Variants in HFM1 observed in about 807,000 individuals in gnomAD.
HFM1 encodes helicase for meiosis 1.
A neutral mutation model predicts 192.1 loss-of-function variants in HFM1; 169 were observed. The observed-to-expected ratio is 0.88, with a 90% CI of 0.78 to 1.00. The LOEUF (loss-of-function observed/expected upper bound fraction) is 1.00, where lower values mean the gene tolerates loss of function less well. Among genes scored for constraint, HFM1 ranks in the 50% least tolerant of loss-of-function variants. The pLI, the probability that HFM1 is intolerant of heterozygous loss-of-function variation, is 0.00. For synonymous variants in HFM1, 525 were observed against 537.8 expected, an observed-to-expected ratio of 0.98 and a Z score of 0.33; for missense variants, 1,661 against 1,668.0, an observed-to-expected ratio of 1.00 and a Z score of 0.07.
intron 6 of HFM1, among the ~76,000 whole-genome samples, chr1:91,381,298 C>T (rs1025458528): frequency 5.9e-5 from 9 of 152,172 alleles, no homozygotes; most frequent in African/African-American, 2.2e-4. Context: ...TCTAGTTTAT[C>T]TTTTCCAGAG....
intron 30 of HFM1, among the ~76,000 whole-genome samples, chr1:91,278,169 A>C (rs913879818): frequency 6.6e-6 from 1 of 151,642 alleles, no homozygotes; most frequent in African/African-American, 2.4e-5. Context: ...GATGTAATAC[A>C]TATTTAATAC....
At chr1:91,281,103 C>G (rs1026302010) in intron 30 of HFM1, among the ~76,000 whole-genome samples, 1 of 152,048 alleles carries the variant, frequency 6.6e-6, no homozygotes, top group African/African-American at 2.4e-5. Flanking sequence ...ATATGGAGAA[C>G]AGATTTGAGA....
chr1:91,399,052 G>A (rs1034341401), intron 2 of HFM1, among the ~76,000 whole-genome samples: 3 of 152,028 alleles, frequency 2.0e-5, no homozygotes, highest in African/African-American at 4.8e-5. Flanking sequence ...GCCCCACTCC[G>A]ATATCTACAT....
At chr1:91,364,980 A>G (rs1401651493) in intron 13 of HFM1, among the ~76,000 whole-genome samples, 3 of 152,020 alleles carry the variant, frequency 2.0e-5, no homozygotes, top group African/African-American at 7.2e-5. Flanking sequence ...ACACACATGC[A>G]CACACACAAT....
rs114033451 is a variant in HFM1, at chr1:91,284,867, C to G, written c.3392-7805G>C. On this transcript the variant is annotated intron_variant, in intron 30 of 38. Coordinates refer to ENST00000370425, the MANE Select transcript of HFM1 (RefSeq NM_001017975.6). Reference sequence around the variant, plus strand: ...GAAACTGCAGCTAAAAGAATGTTTTCAAAAAGTTTGATATGGTTTGGCTGT... The same window carrying G: ...GAAACTGCAGCTAAAAGAATGTTTTGAAAAAGTTTGATATGGTTTGGCTGT... Among the ~76,000 whole-genome samples, 432 of 152,256 alleles carry G rather than the reference C, an allele frequency of 2.8e-3. 1 individual carries two copies. The highest frequency in any genetic ancestry group is 9.6e-3 in the African/African-American group (398 of 41,554).
chr1:91,380,816 G>A (rs1661465043), intron 7 of HFM1, 96 bp downstream of exon 7: 1 of 696,876 alleles, frequency 1.4e-6, no homozygotes, highest in Non-Finnish European at 2.6e-6. Context: ...GTGTGGCAGT[G>A]CAGACATAAA....
At chr1:91,338,632 T>G (rs906501442) in intron 20 of HFM1, among the ~76,000 whole-genome samples, 1 of 152,160 alleles carries the variant, frequency 6.6e-6, no homozygotes, top group Non-Finnish European at 1.5e-5. Flanking sequence ...TCTGCTGGCA[T>G]GCACTCAACC....
chr1:91,355,971 A>G (rs1008316069), intron 13 of HFM1, among the ~76,000 whole-genome samples: 7 of 152,202 alleles, frequency 4.6e-5, no homozygotes, highest in African/African-American at 1.7e-4. Flanking sequence ...TTAAGCCACA[A>G]AACTAGATTT....
At chr1:91,291,308 G>A (rs1668722756) in intron 30 of HFM1, among the ~76,000 whole-genome samples, 1 of 152,008 alleles carries the variant, frequency 6.6e-6, no homozygotes, top group African/African-American at 2.4e-5. Flanking sequence ...CCGCTAGCAA[G>A]ACTAATAAAG....
intron 36 of HFM1, among the ~76,000 whole-genome samples, chr1:91,263,333 G>C (rs1463389611): frequency 2.0e-5 from 3 of 152,156 alleles, no homozygotes; most frequent in Non-Finnish European, 4.4e-5. Context: ...AGGAGCAATG[G>C]GCAGTGTGGG....
chr1:91,345,671 CT>C (rs138051800), intron 19 of HFM1, among the ~76,000 whole-genome samples: 23 of 152,270 alleles, frequency 1.5e-4, no homozygotes, highest in African/African-American at 5.5e-4. Context: ...GAAAGTCACT[CT>C]GATCTTTCCC....
At chr1:91,278,534 C>T (rs1364197476) in intron 30 of HFM1, among the ~76,000 whole-genome samples, 1 of 152,160 alleles carries the variant, frequency 6.6e-6, no homozygotes, top group East Asian at 1.9e-4. Flanking sequence ...TTTAAGTGAA[C>T]CAGAAATGTT....
chr1:91,277,915 C>CTTATAT (rs1557767614), intron 30 of HFM1, among the ~76,000 whole-genome samples: 3 of 32,296 alleles, frequency 9.3e-5, no homozygotes, highest in South Asian at 1.3e-3. Context: ...ATAATATATA[C>CTTATAT]ACTAATATAT....
At chr1:91,263,569 C>A (rs1665371362) in intron 36 of HFM1, among the ~76,000 whole-genome samples, 2 of 151,694 alleles carry the variant, frequency 1.3e-5, no homozygotes, top group Non-Finnish European at 1.5e-5. Context: ...TAGCAAGACC[C>A]CCATCTCTAG....
chr1:91,391,628 A>C (rs1663002591), intron 4 of HFM1, among the ~76,000 whole-genome samples: 1 of 152,230 alleles, frequency 6.6e-6, no homozygotes, highest in Admixed American at 6.5e-5. Context: ...CTTAAATGTT[A>C]GACTAAAACC....
At chr1:91,338,982 A>G (rs1477798350) in intron 20 of HFM1, 4 of 455,784 alleles carry the variant, frequency 8.8e-6, no homozygotes, top group Non-Finnish European at 1.8e-5. Context: ...CAAAGCCATG[A>G]GCATGCAGCC....
At chr1:91,273,572 A>G (rs1194564817) in intron 34 of HFM1, 140 bp downstream of exon 34, 1 of 537,162 alleles carries the variant, frequency 1.9e-6, no homozygotes, top group African/African-American at 1.9e-5. Flanking sequence ...TTTGAAAATG[A>G]TTCAGTAATC....
At chr1:91,388,836 A>G (rs2102082130) in intron 4 of HFM1, among the ~76,000 whole-genome samples, 1 of 152,296 alleles carries the variant, frequency 6.6e-6, no homozygotes, top group South Asian at 2.1e-4. Flanking sequence ...CGCTGCGAAG[A>G]ACACCATCAA....
chr1:91,323,484 C>T (rs758239983), intron 21 of HFM1, among the ~76,000 whole-genome samples: 5 of 152,052 alleles, frequency 3.3e-5, no homozygotes, highest in Non-Finnish European at 5.9e-5. Flanking sequence ...AATATCTAGC[C>T]CAGTGCCTAT....
Sources: allele counts gnomAD v4.1 joint callset (sites outside exome capture counted in the v4.1 genomes callset), GRCh38; gene constraint gnomAD v4.1.1; transcripts MANE v1.5; gene names NCBI Gene and HGNC (gene_info 2026-07-23, HGNC 2026-07-21).